The following MAD1L1 variants were observed in gnomAD, a reference collection of about 807,000 sequenced individuals.
The protein encoded by MAD1L1 is mitotic arrest deficient 1 like 1.
In MAD1L1, 95 loss-of-function variants were observed where a neutral mutation model predicts 96.9. The ratio of observed to expected loss-of-function variants is 0.98; its 90% CI spans 0.83 to 1.16. MAD1L1 has a LOEUF of 1.16. Among genes scored for constraint, MAD1L1 ranks in the 50% most tolerant of loss-of-function variants. The pLI is 0.00. For missense variants in MAD1L1, 1,007 were observed against 954.4 expected (o/e 1.06, Z -0.73); for synonymous variants, 473 against 396.6 (o/e 1.19, Z -2.29).
intron 12 of MAD1L1, among the ~76,000 whole-genome samples, chr7:2,024,057 C>T (rs1322660574): frequency 6.7e-6 from 1 of 149,564 alleles, no homozygotes; most frequent in Non-Finnish European, 1.5e-5. Flanking sequence ...CCAACAAAAC[C>T]AAAAGCTGGT....
rs182488420 is a variant in MAD1L1 at position 2,021,036 on chromosome 7, T to G, written c.1219-6394A>C. 2.2e-3 allele frequency among the ~76,000 whole-genome samples: 333 copies of G among 151,996 alleles called. 1 individual carries two copies. Among genetic ancestry groups the G allele is most frequent in the African/African-American group, 7.5e-3 (311 of 41,454 alleles). ...AGAAACTTCCCGTACTAAAATGCAC[T>G]GAGGAAAAAGCAATGAAAACAAAAG... is the stretch of plus-strand genomic sequence containing the variant. On this transcript the variant is annotated intron_variant, in intron 12 of 18. Transcript: ENST00000265854.
At chr7:2,018,860 A>T (rs1489974107) in intron 12 of MAD1L1, among the ~76,000 whole-genome samples, 1 of 148,450 alleles carries the variant, frequency 6.7e-6, no homozygotes, top group Non-Finnish European at 1.5e-5. Flanking sequence ...CCCACTCTGC[A>T]AGGGCTCCAA....
chr7:1,898,104 G>A lies in MAD1L1; in HGVS notation c.1998+96C>T, dbSNP rs190570234. 370 of 1,306,326 alleles carry A rather than the reference G, an allele frequency of 2.8e-4. 4 individuals carry two copies. The highest frequency in any genetic ancestry group is 1.0e-3 in the Admixed American group (53 of 50,576). 80.9% of individuals were successfully genotyped at this position (1,306,326 alleles called of 1,614,324 possible). On this transcript the variant is annotated intron_variant, in intron 18 of 18. Coordinates refer to ENST00000265854, the MANE Select transcript of MAD1L1 (RefSeq NM_001013836.2). ...GCCCTCCACACCATCCCCTTTGGAC[G>A]CGAGGCTGCTCCTTTGCTGAGGGCT...
intron 10 of MAD1L1, among the ~76,000 whole-genome samples, chr7:2,161,422 C>G (rs911979799): frequency 6.6e-6 from 1 of 152,044 alleles, no homozygotes; most frequent in African/African-American, 2.4e-5. Flanking sequence ...TGTTGCCCAG[C>G]CTGGAGTGCA....
chr7:2,037,967 C>T (rs1783513516), intron 12 of MAD1L1, among the ~76,000 whole-genome samples: 1 of 152,184 alleles, frequency 6.6e-6, no homozygotes, highest in Non-Finnish European at 1.5e-5. Flanking sequence ...AGCCGAAAGC[C>T]AGGCCTCTCG....
rs1614599 is a variant in MAD1L1 at position 2,146,378 on chromosome 7, A to T, written c.1073+2774T>A. On this transcript the variant is annotated intron_variant, in intron 11 of 18. Coordinates refer to ENST00000265854, the MANE Select transcript of MAD1L1 (RefSeq NM_001013836.2). This position sits in a 1 kb window ranked among gnomAD's most constrained non-coding sequence, Gnocchi z 6.2. ...GCACTGGGCTACGAGGAACAGGGCA[A>T]CGCCTCGAAGAGGGAGCACCGGGCA... is the stretch of plus-strand genomic sequence containing the variant. 7.8e-6 allele frequency among the ~76,000 whole-genome samples: 1 copy of T among 128,972 alleles called. No individual in the cohort carries two copies. Among genetic ancestry groups the T allele is most frequent in the Non-Finnish European group, 1.7e-5 (1 of 57,880 alleles). The allele number at this position is 128,972 out of a possible 152,430, so 84.6% of individuals were successfully genotyped here.
At chr7:2,135,751 G>A (rs183403521) in intron 11 of MAD1L1, among the ~76,000 whole-genome samples, 278 of 152,330 alleles carry the variant, frequency 1.8e-3, no homozygotes, top group Non-Finnish European at 3.0e-3. Flanking sequence ...CACCTCTCAT[G>A]GTGACGTGTG....
intron 6 of MAD1L1, 104 bp downstream of exon 6, chr7:2,219,228 C>A (rs1053009361): frequency 9.2e-7 from 1 of 1,090,024 alleles, no homozygotes; most frequent in Non-Finnish European, 1.3e-6. Flanking sequence ...ATTAGGACAG[C>A]ATCTGGGAGT....
chr7:2,073,814 C>T lies in MAD1L1; in HGVS notation c.1074-4476G>A, dbSNP rs773140583. On this transcript the variant is annotated intron_variant, in intron 11 of 18. Transcript: ENST00000265854. ...CTGGCAGTGAAATCCACATCATGAA[C>T]GGAGATGGGAGAAGTGAACCAGAGC... is the stretch of plus-strand genomic sequence containing the variant. 2.6e-5 allele frequency among the ~76,000 whole-genome samples: 4 copies of T among 152,306 alleles called. 1 individual carries two copies. The highest frequency in any genetic ancestry group is 2.4e-5 in the African/African-American group (1 of 41,572).
At chr7:2,066,058 T>C (rs1784862659) in intron 12 of MAD1L1, among the ~76,000 whole-genome samples, 1 of 152,222 alleles carries the variant, frequency 6.6e-6, no homozygotes, top group South Asian at 2.1e-4. Context: ...GTAATTATAC[T>C]CTTAGCTATC....
At chr7:2,122,509 G>C (rs1345527845) in intron 11 of MAD1L1, among the ~76,000 whole-genome samples, 2 of 152,046 alleles carry the variant, frequency 1.3e-5, no homozygotes, top group African/African-American at 2.4e-5. Flanking sequence ...GGCTGAGGCA[G>C]GGGAATCACT....
chr7:2,132,220 T>C (rs1788542414), intron 11 of MAD1L1, among the ~76,000 whole-genome samples: 1 of 152,202 alleles, frequency 6.6e-6, no homozygotes, highest in African/African-American at 2.4e-5. Flanking sequence ...AGAGTTCTCA[T>C]CTACCCTTCA....
At chr7:1,920,641 G>A (rs1395779583) in intron 17 of MAD1L1, among the ~76,000 whole-genome samples, 1 of 152,172 alleles carries the variant, frequency 6.6e-6, no homozygotes, top group Non-Finnish European at 1.5e-5. Context: ...TTCCACAGCC[G>A]AGTGGGGGCG....
At chr7:2,218,306 G>T (rs1793402885) in intron 6 of MAD1L1, among the ~76,000 whole-genome samples, 1 of 152,270 alleles carries the variant, frequency 6.6e-6, no homozygotes, top group Non-Finnish European at 1.5e-5. Context: ...AGTGAGCCCA[G>T]GCCACCTGCA....
chr7:2,220,468 C>G (rs2115004870), intron 5 of MAD1L1, among the ~76,000 whole-genome samples: 1 of 152,358 alleles, frequency 6.6e-6, no homozygotes, highest in East Asian at 1.9e-4. Context: ...AAAAGCCGGA[C>G]AGACCCTGAG....
intron 17 of MAD1L1, among the ~76,000 whole-genome samples, chr7:1,934,194 C>T (rs1372690059): frequency 6.6e-6 from 1 of 152,212 alleles, no homozygotes; most frequent in Non-Finnish European, 1.5e-5. Flanking sequence ...CAGGCCTCTG[C>T]TCATCCTCCC....
intron 13 of MAD1L1, among the ~76,000 whole-genome samples, chr7:2,003,944 A>T (rs1226622644): frequency 1.3e-5 from 2 of 152,202 alleles, no homozygotes; most frequent in Non-Finnish European, 2.9e-5. Context: ...TGGGAACGGC[A>T]GATGGAAGAG....
intron 11 of MAD1L1, among the ~76,000 whole-genome samples, chr7:2,133,677 G>A (rs1788621378): frequency 6.6e-6 from 1 of 152,184 alleles, no homozygotes. Flanking sequence ...TTAAAGTTTT[G>A]TGCTTTACAC....
intron 14 of MAD1L1, among the ~76,000 whole-genome samples, chr7:1,996,517 C>T (rs1161818320): frequency 1.3e-5 from 2 of 152,244 alleles, no homozygotes; most frequent in Non-Finnish European, 2.9e-5. Context: ...ACCTGCCCTG[C>T]TCACGGTCGC....
Sources: gnomAD v4.1 joint callset for allele counts (sites outside exome capture counted in the v4.1 genomes callset) on GRCh38, gnomAD v4.1.1 for gene constraint, Gnocchi (gnomAD v3.1) non-coding constraint, MANE v1.5 for transcripts, NCBI Gene and HGNC (gene_info 2026-07-23, HGNC 2026-07-21) for gene names.